The following CNTN5 variants were observed in gnomAD, a reference collection of about 807,000 sequenced individuals.
The protein encoded by CNTN5 is contactin-5.
Under a neutral mutation model 129.1 loss-of-function variants are expected in CNTN5, and 77 were observed. The observed-to-expected ratio is 0.60, with a 90% CI of 0.50 to 0.72. CNTN5 has a LOEUF of 0.72. Ranked by LOEUF, CNTN5 falls within the 30% of genes least tolerant of loss-of-function variation. The pLI is 0.00. For missense variants in CNTN5, 1,478 were observed against 1,328.8 expected, an observed-to-expected ratio of 1.11 and a Z score of -1.75; for synonymous variants, 509 against 465.6, an observed-to-expected ratio of 1.09 and a Z score of -1.20.
intron 3 of CNTN5, among the ~76,000 whole-genome samples, chr11:99,624,659 T>A (rs1951065909): frequency 6.6e-6 from 1 of 152,196 alleles, no homozygotes; most frequent in Non-Finnish European, 1.5e-5. Flanking sequence ...AACATTCTTA[T>A]ATATTTGAGA....
rs549614983 is a variant in CNTN5, at chr11:99,086,252, T to G, written c.-210+64982T>G. On this transcript the variant is annotated intron_variant, in intron 1 of 24. Coordinates refer to ENST00000524871, the MANE Select transcript of CNTN5 (RefSeq NM_014361.4). Reference sequence around the variant, plus strand: ...CAGCCCTGAACAGGGTGCCATTCCATCTCACACACACCCACACTCAATAGA... The same window carrying G: ...CAGCCCTGAACAGGGTGCCATTCCAGCTCACACACACCCACACTCAATAGA... 2.6e-5 allele frequency among the ~76,000 whole-genome samples: 4 copies of G among 152,312 alleles called. No individual in the cohort carries two copies. In the South Asian group the frequency reaches 6.2e-4, roughly 24 times the overall value.
intron 1 of CNTN5, among the ~76,000 whole-genome samples, chr11:99,127,526 G>A (rs891664846): frequency 1.3e-5 from 2 of 152,136 alleles, no homozygotes; most frequent in African/African-American, 2.4e-5. Context: ...TAGGGTCAGT[G>A]CTAACTCCAT....
intron 1 of CNTN5, among the ~76,000 whole-genome samples, chr11:99,059,050 T>C (rs1423944415): frequency 6.9e-6 from 1 of 145,456 alleles, no homozygotes; most frequent in African/African-American, 2.5e-5. Context: ...CCTCCCTCCT[T>C]CCTTCCTTCT....
chr11:99,065,469 C>T (rs1865062591), intron 1 of CNTN5, among the ~76,000 whole-genome samples: 2 of 152,172 alleles, frequency 1.3e-5, no homozygotes. Flanking sequence ...AATCTTAAAA[C>T]CATCAATAAA....
chr11:99,362,631 CCT>C (rs1383430554), intron 2 of CNTN5, among the ~76,000 whole-genome samples: 1 of 149,566 alleles, frequency 6.7e-6, no homozygotes, highest in Non-Finnish European at 1.5e-5. Context: ...TCTTAAGCAT[CCT>C]TTTGGTGAAA....
At position 99,355,522 on chromosome 11, in the gene CNTN5, CAG is replaced by C. The variant is rs1938586468; in HGVS notation, c.-71+30041_-71+30042del. Among the ~76,000 whole-genome samples the C allele has an allele frequency of 2.6e-5, 4 of 152,210 alleles. No homozygotes were observed. The South Asian group carries it at 8.3e-4, about 32-fold the overall frequency. ...CCTGAATTTGGAAAGGTTAGAGCTG[CAG>C]AGTCTTTCTCTTTGACACACACCAC... On this transcript the variant is annotated intron_variant, in intron 2 of 24. Transcript: ENST00000524871.
At chr11:100,295,716 G>C (rs1355553541) in intron 18 of CNTN5, among the ~76,000 whole-genome samples, 1 of 151,124 alleles carries the variant, frequency 6.6e-6, no homozygotes, top group Non-Finnish European at 1.5e-5. Flanking sequence ...GAACAAAGTA[G>C]AAAAGGATCT....
At chr11:100,018,785 A>T (rs1266495376) in intron 9 of CNTN5, among the ~76,000 whole-genome samples, 1 of 151,980 alleles carries the variant, frequency 6.6e-6, no homozygotes, top group East Asian at 1.9e-4. Context: ...TTGCATTATT[A>T]TTAGCAGCAG....
intron 15 of CNTN5, among the ~76,000 whole-genome samples, chr11:100,217,947 T>A (rs1949178427): frequency 6.6e-6 from 1 of 152,212 alleles, no homozygotes; most frequent in Non-Finnish European, 1.5e-5. Context: ...AATTTAAAAG[T>A]GAGGTTGAGA....
intron 4 of CNTN5, among the ~76,000 whole-genome samples, chr11:99,842,952 C>A (rs1220064349): frequency 6.6e-6 from 1 of 152,092 alleles, no homozygotes; most frequent in African/African-American, 2.4e-5. Flanking sequence ...GCAGCTAGGC[C>A]AGTCGAGGTG....
chr11:99,929,617 A>C (rs1950145159), intron 7 of CNTN5, among the ~76,000 whole-genome samples: 1 of 152,144 alleles, frequency 6.6e-6, no homozygotes, highest in Non-Finnish European at 1.5e-5. Context: ...TGCTGGGCAA[A>C]AGGAGGGAAA....
At chr11:100,237,078 A>C (rs1949632169) in intron 16 of CNTN5, among the ~76,000 whole-genome samples, 1 of 151,670 alleles carries the variant, frequency 6.6e-6, no homozygotes, top group Admixed American at 6.6e-5. Context: ...AGTCCCAGCT[A>C]CTGGGGAGGC....
At chr11:99,076,463 C>A (rs1033298843) in intron 1 of CNTN5, among the ~76,000 whole-genome samples, 1 of 152,040 alleles carries the variant, frequency 6.6e-6, no homozygotes, top group East Asian at 1.9e-4. Flanking sequence ...CACACACACA[C>A]AAGCACACAC....
At chr11:99,283,466 T>G (rs904457192) in intron 1 of CNTN5, among the ~76,000 whole-genome samples, 7 of 151,870 alleles carry the variant, frequency 4.6e-5, no homozygotes, top group Non-Finnish European at 7.4e-5. Flanking sequence ...TTGTTAAGAG[T>G]TGTAGGAAAA....
intron 6 of CNTN5, among the ~76,000 whole-genome samples, chr11:99,895,816 G>A (rs1453589): frequency 0.42 from 63,234 of 151,942 alleles, 13,822 homozygotes; most frequent in East Asian, 0.83. Flanking sequence ...CAAGCTTTTG[G>A]TTTTCTAGCA....
intron 1 of CNTN5, among the ~76,000 whole-genome samples, chr11:99,269,245 T>C (rs994249044): frequency 2.0e-5 from 3 of 151,938 alleles, no homozygotes; most frequent in African/African-American, 7.2e-5. Context: ...GTTTTTAAAA[T>C]AGAAGGATTA....
At chr11:99,242,158 C>T (rs1861594645) in intron 1 of CNTN5, among the ~76,000 whole-genome samples, 1 of 152,008 alleles carries the variant, frequency 6.6e-6, no homozygotes, top group Non-Finnish European at 1.5e-5. Flanking sequence ...CAAGAAGTTA[C>T]TTCTAGTTAT....
Position 99,427,492 on chromosome 11 carries a change from C to T in CNTN5, c.-71+102008C>T, listed in dbSNP as rs144418157. ...AAAAGTGAAAATTTCTTGGGCCTGG[C>T]GCGGTGGCTCACGCCTGTTATCCCA... On this transcript the variant is annotated intron_variant, in intron 2 of 24. Transcript: ENST00000524871. 4.1e-3 allele frequency among the ~76,000 whole-genome samples: 620 copies of T among 152,136 alleles called. 2 individuals carry two copies. The highest frequency in any genetic ancestry group is 0.021 in the Middle Eastern group (6 of 292).
At chr11:99,192,235 C>G (rs1282637152) in intron 1 of CNTN5, among the ~76,000 whole-genome samples, 1 of 151,380 alleles carries the variant, frequency 6.6e-6, no homozygotes, top group East Asian at 1.9e-4. Context: ...TTGTAAGAGA[C>G]TACTGTGAAT....
Sources: gnomAD v4.1 joint callset for allele counts (sites outside exome capture counted in the v4.1 genomes callset) on GRCh38, gnomAD v4.1.1 for gene constraint, MANE v1.5 for transcripts, NCBI Gene and HGNC (gene_info 2026-07-23, HGNC 2026-07-21) for gene names.